TRHDE: variants seen among roughly 807,000 people sequenced by gnomAD.
TRHDE encodes thyrotropin-releasing hormone-degrading ectoenzyme.
In TRHDE, 72 loss-of-function variants were observed where a neutral mutation model predicts 125.7. That is an observed-to-expected ratio of 0.57 (90% confidence interval 0.47 to 0.70). The LOEUF (loss-of-function observed/expected upper bound fraction) is 0.70, where lower values mean the gene tolerates loss of function less well. Among genes scored for constraint, TRHDE ranks in the 30% least tolerant of loss-of-function variants. The pLI, the probability that TRHDE is intolerant of heterozygous loss-of-function variation, is 0.00. For synonymous variants in TRHDE, 509 were observed against 509.1 expected (o/e 1.00, Z 0.00); for missense variants, 1,110 against 1,327.1 (o/e 0.84, Z 2.54).
At chr12:72,145,180 T>C (rs1327039976) in intron 2 of TRHDE, among the ~76,000 whole-genome samples, 1 of 152,130 alleles carries the variant, frequency 6.6e-6, no homozygotes, top group Non-Finnish European at 1.5e-5. Flanking sequence ...CTTACTGAGA[T>C]TTATTGTATT....
At chr12:72,555,307 T>G (rs1869867110) in intron 7 of TRHDE, among the ~76,000 whole-genome samples, 1 of 152,164 alleles carries the variant, frequency 6.6e-6, no homozygotes, top group Non-Finnish European at 1.5e-5. Flanking sequence ...GACTTTCAAC[T>G]ATCCTTCTTC....
intron 2 of TRHDE, among the ~76,000 whole-genome samples, chr12:72,292,610 A>G (rs962378767): frequency 1.3e-5 from 2 of 152,186 alleles, no homozygotes; most frequent in Non-Finnish European, 2.9e-5. Flanking sequence ...TGTCTACTAC[A>G]TAACAAAGGT....
intron 3 of TRHDE, among the ~76,000 whole-genome samples, chr12:72,385,788 A>G (rs1013528354): frequency 8.5e-5 from 13 of 152,196 alleles, no homozygotes; most frequent in Non-Finnish European, 4.4e-5. Flanking sequence ...CAAAAAATAT[A>G]TAGGATACTT....
intron 2 of TRHDE, among the ~76,000 whole-genome samples, chr12:72,329,964 C>T (rs891424233): frequency 1.3e-5 from 2 of 151,960 alleles, no homozygotes; most frequent in Non-Finnish European, 2.9e-5. Flanking sequence ...ACGTGGGACT[C>T]CAAAAAAGAT....
At chr12:72,372,326 C>G (rs1453241846) in intron 2 of TRHDE, among the ~76,000 whole-genome samples, 2 of 151,636 alleles carry the variant, frequency 1.3e-5, no homozygotes, top group South Asian at 2.1e-4. Flanking sequence ...AAAATTTTCT[C>G]CCATTTTGTA....
At chr12:72,252,238 A>G (rs1158020057) in intron 2 of TRHDE, among the ~76,000 whole-genome samples, 1 of 152,032 alleles carries the variant, frequency 6.6e-6, no homozygotes, top group African/African-American at 2.4e-5. Context: ...ACTTTCTTCT[A>G]TTTTTGTGAA....
intron 3 of TRHDE, among the ~76,000 whole-genome samples, chr12:72,463,675 T>G (rs1220172771): frequency 6.6e-6 from 1 of 152,166 alleles, no homozygotes; most frequent in Admixed American, 6.5e-5. Context: ...AGCTCAAAGC[T>G]GGGGCAAAGC....
At chr12:72,543,566 A>C (rs955452610) in intron 7 of TRHDE, among the ~76,000 whole-genome samples, 1 of 151,272 alleles carries the variant, frequency 6.6e-6, no homozygotes, top group African/African-American at 2.4e-5. Context: ...GTCCTTCTTT[A>C]TCCCCATTCC....
intron 1 of TRHDE, among the ~76,000 whole-genome samples, chr12:72,102,412 G>C (rs978129296): frequency 6.6e-6 from 1 of 152,100 alleles, no homozygotes; most frequent in African/African-American, 2.4e-5. Flanking sequence ...AATTCGATAG[G>C]TTCATTGAAT....
chr12:72,189,998 A>G (rs1877305977), intron 2 of TRHDE, among the ~76,000 whole-genome samples: 1 of 152,138 alleles, frequency 6.6e-6, no homozygotes, highest in African/African-American at 2.4e-5. Flanking sequence ...AGTATTCGGA[A>G]GTAAAAAATA....
At chr12:72,267,622 G>A (rs1879097520), upstream of TRHDE, among the ~76,000 whole-genome samples, 1 of 151,486 alleles carries the variant, frequency 6.6e-6, no homozygotes, top group Non-Finnish European at 1.5e-5. Context: ...CTCCAGCCTG[G>A]GCGACAGAGT....
chr12:72,544,077 G>T (rs903465893), intron 7 of TRHDE, among the ~76,000 whole-genome samples: 10 of 151,220 alleles, frequency 6.6e-5, no homozygotes, highest in Admixed American at 1.3e-4. Flanking sequence ...CATTTCATTT[G>T]CCTGGTGACA....
intron 10 of TRHDE, among the ~76,000 whole-genome samples, chr12:72,572,071 T>A (rs887567329): frequency 2.5e-5 from 3 of 119,608 alleles, no homozygotes; most frequent in Non-Finnish European, 4.8e-5. Flanking sequence ...TTTAATATGA[T>A]GTCTTTGATA....
intron 1 of TRHDE, among the ~76,000 whole-genome samples, chr12:72,283,227 T>C (rs1008186313): frequency 1.3e-5 from 2 of 152,170 alleles, no homozygotes; most frequent in African/African-American, 2.4e-5. Context: ...ATAGAACTTG[T>C]AGTAAAAAGC....
chr12:72,514,290 C>G (rs1168600894), intron 6 of TRHDE, among the ~76,000 whole-genome samples: 3 of 152,078 alleles, frequency 2.0e-5, no homozygotes, highest in Non-Finnish European at 4.4e-5. Context: ...AGAGAAGAAT[C>G]ATTTGTGCAT....
intron 2 of TRHDE, among the ~76,000 whole-genome samples, chr12:72,339,126 G>T (rs1036910294): frequency 1.3e-5 from 2 of 152,078 alleles, no homozygotes; most frequent in Admixed American, 1.3e-4. Context: ...CAATCCCTAT[G>T]TAAAAGTCCA....
intron 5 of TRHDE, among the ~76,000 whole-genome samples, chr12:72,478,912 T>C (rs1365824021): frequency 1.4e-5 from 2 of 138,192 alleles, no homozygotes; most frequent in African/African-American, 2.8e-5. Context: ...ATATTAATAC[T>C]TTTTTTTAGC....
rs367809099 is a variant in TRHDE at position 72,472,012 on chromosome 12, A to G, written c.1471-1055A>G. Reference sequence around the variant, plus strand: ...ACATCTCCCTGGAATTCTCCTTCCCAAGCCTTTCTCATGGCTGGCTGTCCC... The same window carrying G: ...ACATCTCCCTGGAATTCTCCTTCCCGAGCCTTTCTCATGGCTGGCTGTCCC... On this transcript the variant is annotated intron_variant, in intron 4 of 18. Transcript: ENST00000261180. Among the ~76,000 whole-genome samples, 6 of 152,272 alleles carry G rather than the reference A, an allele frequency of 3.9e-5. No homozygotes were observed. In the South Asian group the frequency reaches 1.2e-3, roughly 32 times the overall value.
intron 5 of TRHDE, among the ~76,000 whole-genome samples, chr12:72,495,070 T>G (rs1877852399): frequency 7.2e-6 from 1 of 139,496 alleles, no homozygotes; most frequent in South Asian, 2.3e-4. Context: ...GTTTTTTTTT[T>G]TTTTTTTTTT....
Sources: allele counts gnomAD v4.1 joint callset (sites outside exome capture counted in the v4.1 genomes callset), GRCh38; gene constraint gnomAD v4.1.1; transcripts MANE v1.5; gene names NCBI Gene and HGNC (gene_info 2026-07-23, HGNC 2026-07-21).